SNAPC2: variants seen among roughly 807,000 people sequenced by gnomAD.
SNAPC2 encodes small nuclear RNA activating complex polypeptide 2.
In SNAPC2, 27 loss-of-function variants were observed where a neutral mutation model predicts 22.9. That is an observed-to-expected ratio of 1.18 (90% CI 0.87 to 1.63). SNAPC2 has a LOEUF of 1.63. Among genes scored for constraint, SNAPC2 ranks in the 40% most tolerant of loss-of-function variants. SNAPC2 has a pLI of 0.00. For missense variants in SNAPC2, 570 were observed against 449.1 expected (o/e 1.27, Z -2.43); for synonymous variants, 272 against 201.0 (o/e 1.35, Z -2.99).
In SNAPC2 at chr19:7,922,889, G is replaced by T. The variant is rs1421882016; in HGVS notation, c.*125G>T. The T allele has an allele frequency of 6.5e-6, 5 of 767,356 alleles. No individual in the cohort carries two copies. The highest frequency in any genetic ancestry group is 1.0e-5 in the Non-Finnish European group (5 of 484,992). 47.5% of individuals were successfully genotyped at this position (767,356 alleles called of 1,614,324 possible). A position where few individuals can be genotyped will look rare whatever the true frequency, so the allele number is the denominator to read the frequency against. ...GGTCCTTGAGATGATGCTCAGCTGT[G>T]GGGCGGGCCTCTAAGATGCCCCATA... On this transcript the variant is annotated 3_prime_UTR_variant, in exon 5 of 5. Transcript: ENST00000221573.
At position 7,922,787 on chromosome 19, in the gene SNAPC2, A is replaced by C; in HGVS notation, c.*23A>C. 1.3e-6 allele frequency: 2 copies of C among 1,531,218 alleles called. No homozygotes were observed. The highest frequency in any genetic ancestry group is 2.3e-5 in the East Asian group (1 of 44,000). 94.9% of individuals were successfully genotyped at this position (1,531,218 alleles called of 1,614,324 possible). On this transcript the variant is annotated 3_prime_UTR_variant, in exon 5 of 5. Transcript: ENST00000221573. The stretch of plus-strand genomic sequence containing the variant: ...TGAGGGGCATGGCGGGCAGGAGGCC[A>C]CACCAGGCCCCCCGCCCTGCCCCTC...
chr19:7,921,404 C>T lies in SNAPC2; in HGVS notation c.184-19C>T. The T allele has an allele frequency of 1.2e-6, 2 of 1,613,748 alleles. No individual in the cohort carries two copies. The highest frequency in any genetic ancestry group is 1.7e-5 in the Admixed American group (1 of 60,004). ...CTGAGCTCATAGAAGCCTCATTCCG[C>T]CGCCTCTTTCCTTTCTAGATCCGGG... On this transcript the variant is annotated intron_variant, in intron 1 of 4. Transcript: ENST00000221573.
At position 7,920,440 on chromosome 19, in the gene SNAPC2, G is replaced by A. The variant is rs931999712; in HGVS notation, c.74G>A (p.Ser25Asn). ...LGEVTGPATW[S>N]AREKRQLVRL... is the part of the protein sequence containing the mutation. Reference sequence around the variant, plus strand: ...GAGGTGACCGGTCCCGCGACCTGGAGCGCTCGCGAGAAGCGGCAGCTAGTG... The same window carrying A: ...GAGGTGACCGGTCCCGCGACCTGGAACGCTCGCGAGAAGCGGCAGCTAGTG... Residue 25 changes from serine (S) to asparagine (N), a missense_variant, in exon 1 of 5, where the codon AGC (serine) becomes AAC (asparagine). Ser to Asn is a conservative substitution (Grantham distance 46). Coordinates refer to ENST00000221573, the MANE Select transcript of SNAPC2 (RefSeq NM_003083.4). The A allele has an allele frequency of 1.7e-5, 27 of 1,567,502 alleles. No individual in the cohort carries two copies. The highest frequency in any genetic ancestry group is 2.3e-5 in the Non-Finnish European group (27 of 1,165,484).
At position 7,920,469 on chromosome 19, in the gene SNAPC2, C is replaced by A. The variant is rs769557821; in HGVS notation, c.103C>A (p.Leu35Ile). 6.5e-7 allele frequency: 1 copy of A among 1,534,394 alleles called. No homozygotes were observed. The highest frequency in any genetic ancestry group is 1.2e-5 in the South Asian group (1 of 84,356). The change falls in exon 1 of 5, where the codon CTC becomes ATC. Residue 35 changes from leucine (L) to isoleucine (I), a missense_variant. Physicochemically the swap from Leu to Ile is conservative, Grantham distance 5. Transcript: ENST00000221573. ...TCGCGAGAAGCGGCAGCTAGTGCGA[C>A]TCCTGCAGGCGCGGCAGGGCCAGCC... is the stretch of plus-strand genomic sequence containing the variant. Reference protein sequence around the residue: ...SAREKRQLVRLLQARQGQPEP... With the variant: ...SAREKRQLVRILQARQGQPEP...
chr19:7,922,567 C>G lies in SNAPC2; in HGVS notation c.808C>G (p.Pro270Ala), dbSNP rs776945759. Residue 270 changes from proline to alanine, a missense_variant, in exon 5 of 5, where the codon CCC becomes GCC. Physicochemically the swap from Pro to Ala is conservative, Grantham distance 27. Coordinates refer to ENST00000221573, the MANE Select transcript of SNAPC2 (RefSeq NM_003083.4). The stretch of plus-strand genomic sequence containing the variant: ...ACGCCTGACAGCCCCCCAGCCCATT[C>G]CCGCTGGAGGGAGCCTGGGGCCTGC... ...YLRLTAPQPIPAGGSLGPAAE... is the reference protein window; with the variant it reads ...YLRLTAPQPIAAGGSLGPAAE... 3 of 1,613,402 alleles carry G rather than the reference C, an allele frequency of 1.9e-6. No individual in the cohort carries two copies. The highest frequency in any genetic ancestry group is 2.7e-5 in the African/African-American group (2 of 74,910).
At chr19:7,921,148 A>C in intron 1 of SNAPC2, 1 of 1,372,730 alleles carries the variant, frequency 7.3e-7, no homozygotes, top group Non-Finnish European at 9.4e-7. Flanking sequence ...GAGGGGACGA[A>C]GAAGGGAGTT....
At chr19:7,921,348 G>A in intron 1 of SNAPC2, 75 bp from the exon 2 acceptor site, 3 of 1,607,424 alleles carry the variant, frequency 1.9e-6, no homozygotes, top group Non-Finnish European at 2.6e-6. Context: ...GAGCATACAA[G>A]GGATTGGGCT....
chr19:7,921,872 G>A, intron 3 of SNAPC2, 99 bp downstream of exon 3: 1 of 1,418,674 alleles, frequency 7.0e-7, no homozygotes. Flanking sequence ...TGCCAGCTCT[G>A]TGGACTCCGT....
chr19:7,921,470 C>G lies in SNAPC2; in HGVS notation c.231C>G (p.Ala77=). 1 of 1,613,862 alleles carries G rather than the reference C, an allele frequency of 6.2e-7. No homozygotes were observed. Among genetic ancestry groups the G allele is most frequent in the Non-Finnish European group, 8.5e-7 (1 of 1,179,870 alleles). ...TCAAGGGCCGCGTAGCCCGGGAGGC[C>G]ATTCAGAAAGTGCATCCGGGTGGCC... is the stretch of plus-strand genomic sequence containing the variant. ...QQLKGRVARE[A]IQKVHPGGLQ... is the part of the protein sequence containing the mutation. The change falls in exon 2 of 5, where the codon GCC becomes GCG. Residue 77 remains alanine (A), a synonymous_variant. Transcript: ENST00000221573.
At position 7,921,789 on chromosome 19, in the gene SNAPC2, C is replaced by T. The variant is rs369842802; in HGVS notation, c.372+16C>T. The T allele has an allele frequency of 5.0e-5, 80 of 1,609,476 alleles. No individual in the cohort carries two copies. Among genetic ancestry groups the T allele is most frequent in the African/African-American group, 4.1e-4 (31 of 74,858 alleles). On this transcript the variant is annotated intron_variant, in intron 3 of 4. Transcript: ENST00000221573. ...TTTCTCGCAGGTACCGCCATTCCCC[C>T]AGGCAGGTCAGGGTGTCCCAGAGGA...
At position 7,922,689 on chromosome 19, in the gene SNAPC2, A is replaced by T. The variant is rs763992745; in HGVS notation, c.930A>T (p.Ala310=). ...GCGAACTGAAATCGCCTTGGCAAGC[A>T]GCTGGGATCTGTCCCCTGAACCCGT... The part of the protein sequence containing the change: ...EHSELKSPWQ[A]AGICPLNPFL... The change falls in exon 5 of 5, where the codon GCA becomes GCT. Residue 310 remains alanine (A), a synonymous_variant. Coordinates refer to ENST00000221573, the MANE Select transcript of SNAPC2 (RefSeq NM_003083.4). 2.5e-6 allele frequency: 4 copies of T among 1,612,872 alleles called. No homozygotes were observed. Among genetic ancestry groups the T allele is most frequent in the Non-Finnish European group, 2.5e-6 (3 of 1,179,792 alleles).
rs911323755 is a variant in SNAPC2, at chr19:7,922,443, A to G, written c.686-2A>G. On this transcript the variant is annotated splice_acceptor_variant, in intron 4 of 4. Transcript: ENST00000221573. LOFTEE classifies it high-confidence loss of function. The stretch of plus-strand genomic sequence containing the variant: ...TTACCCCTCTCCTCCATCCATCACT[A>G]GAGTCCGCTGTGGTCCTCGACCTGC... The G allele has an allele frequency of 6.3e-7, 1 of 1,584,800 alleles. No homozygotes were observed. The highest frequency in any genetic ancestry group is 8.6e-7 in the Non-Finnish European group (1 of 1,163,230).
At position 7,922,925 on chromosome 19, in the gene SNAPC2, C is replaced by G; in HGVS notation, c.*161C>G. Reference sequence around the variant, plus strand: ...CTAAGATGCCCCATACTTTGGGGGTCTCAGAAATGGAACCCCCGTTGTACA... The same window carrying G: ...CTAAGATGCCCCATACTTTGGGGGTGTCAGAAATGGAACCCCCGTTGTACA... On this transcript the variant is annotated 3_prime_UTR_variant, in exon 5 of 5. Transcript: ENST00000221573. 1.7e-6 allele frequency: 1 copy of G among 588,286 alleles called. No homozygotes were observed. Among genetic ancestry groups the G allele is most frequent in the Non-Finnish European group, 2.9e-6 (1 of 343,054 alleles). 36.4% of individuals were successfully genotyped at this position (588,286 alleles called of 1,614,324 possible). A position where few individuals can be genotyped will look rare whatever the true frequency, so the allele number is the denominator to read the frequency against.
intron 1 of SNAPC2, chr19:7,921,068 C>A: frequency 1.7e-6 from 2 of 1,189,768 alleles, no homozygotes; most frequent in Non-Finnish European, 2.1e-6. Flanking sequence ...TAAGATGCTG[C>A]CGAGTCCGGG....
At position 7,920,553 on chromosome 19, in the gene SNAPC2, A is replaced by T; in HGVS notation, c.183+4A>T. The T allele has an allele frequency of 8.0e-7, 1 of 1,248,412 alleles. No individual in the cohort carries two copies. Among genetic ancestry groups the T allele is most frequent in the East Asian group, 4.1e-5 (1 of 24,134 alleles). 77.3% of individuals were successfully genotyped at this position (1,248,412 alleles called of 1,614,324 possible). The stretch of plus-strand genomic sequence containing the variant: ...GCGGGGCCGGAGCGAGGCTGAGGTG[A>T]GATGCGGTTCTCGGGACCGGAGCCA... On this transcript the variant is annotated splice_donor_region_variant and intron_variant, in intron 1 of 4. Coordinates refer to ENST00000221573, the MANE Select transcript of SNAPC2 (RefSeq NM_003083.4).
rs1568289389 is a variant in SNAPC2 at position 7,922,230 on chromosome 19, T to C, written c.568T>C (p.Ser190Pro). The C allele has an allele frequency of 6.2e-7, 1 of 1,613,830 alleles. No individual in the cohort carries two copies. Among genetic ancestry groups the C allele is most frequent in the East Asian group, 2.2e-5 (1 of 44,874 alleles). Reference sequence around the variant, plus strand: ...TCCTGACCCTGCCCCTGAGAAACCTTCTGAGTCGTCGGCTGGTCCCTCCAC... The same window carrying C: ...TCCTGACCCTGCCCCTGAGAAACCTCCTGAGTCGTCGGCTGGTCCCTCCAC... ...RTPDPAPEKPSESSAGPSTEE... is the reference protein window; with the variant it reads ...RTPDPAPEKPPESSAGPSTEE... Residue 190 changes from serine (S) to proline (P), a missense_variant, in exon 4 of 5, where the codon TCT becomes CCT. By Grantham distance (74) the Ser-to-Pro change is moderately conservative. Coordinates refer to ENST00000221573, the MANE Select transcript of SNAPC2 (RefSeq NM_003083.4).
intron 1 of SNAPC2, chr19:7,921,191 C>G: frequency 7.0e-7 from 1 of 1,423,446 alleles, no homozygotes; most frequent in South Asian, 1.5e-5. Context: ...GGGTTGGGCC[C>G]TGGCTGCGTG....
chr19:7,922,552 G>A lies in SNAPC2; in HGVS notation c.793G>A (p.Ala265Thr). 2 of 1,613,026 alleles carry A rather than the reference G, an allele frequency of 1.2e-6. No homozygotes were observed. Among genetic ancestry groups the A allele is most frequent in the Non-Finnish European group, 1.7e-6 (2 of 1,179,526 alleles). The change falls in exon 5 of 5, where the codon GCC becomes ACC. Residue 265 changes from alanine (A) to threonine (T), a missense_variant. Coordinates refer to ENST00000221573, the MANE Select transcript of SNAPC2 (RefSeq NM_003083.4). ...GACGGAGACGTACCTACGCCTGACA[G>A]CCCCCCAGCCCATTCCCGCTGGAGG... ...HMTETYLRLT[A>T]PQPIPAGGSL... is the part of the protein sequence containing the mutation.
rs1018744364 is a variant in SNAPC2, at chr19:7,921,293, C to T, written c.184-130C>T. 5 of 1,511,126 alleles carry T rather than the reference C, an allele frequency of 3.3e-6. No individual in the cohort carries two copies. In the African/African-American group the frequency reaches 4.1e-5, roughly 12 times the overall value. 93.6% of individuals were successfully genotyped at this position (1,511,126 alleles called of 1,614,324 possible). On this transcript the variant is annotated intron_variant, in intron 1 of 4. Coordinates refer to ENST00000221573, the MANE Select transcript of SNAPC2 (RefSeq NM_003083.4). Reference sequence around the variant, plus strand: ...GGGGCCTTGGCAGTCACTGGGACTCCTAACACCGGGCCAGCAGGAGACTAA... The same window carrying T: ...GGGGCCTTGGCAGTCACTGGGACTCTTAACACCGGGCCAGCAGGAGACTAA...
Sources: gnomAD v4.1 joint callset for allele counts on GRCh38, gnomAD v4.1.1 for gene constraint, MANE v1.5 for transcripts, NCBI Gene and HGNC (gene_info 2026-07-23, HGNC 2026-07-21) for gene names.